PDE1C: variants seen among roughly 807,000 people sequenced by gnomAD.
PDE1C encodes the protein dual specificity calcium/calmodulin-dependent 3',5'-cyclic nucleotide phosphodiesterase 1C.
A neutral mutation model predicts 93.1 loss-of-function variants in PDE1C; 62 were observed. The observed-to-expected ratio is 0.67, with a 90% CI of 0.54 to 0.82. The LOEUF (loss-of-function observed/expected upper bound fraction) is 0.82. Ranked by LOEUF, PDE1C falls within the 40% of genes least tolerant of loss-of-function variation. The pLI is 0.00. For synonymous variants in PDE1C, 325 were observed against 310.1 expected, an observed-to-expected ratio of 1.05 and a Z score of -0.50; for missense variants, 742 against 884.6, an observed-to-expected ratio of 0.84 and a Z score of 2.04.
chr7:31,786,894 T>C (rs1480324490), intron 16 of PDE1C: 2 of 4,456 alleles, frequency 4.5e-4, no homozygotes, highest in African/African-American at 5.5e-4. Flanking sequence ...TATATTATAT[T>C]ATCTATCTAT....
intron 2 of PDE1C, among the ~76,000 whole-genome samples, chr7:31,914,821 G>C (rs866106946): frequency 1.6e-4 from 25 of 152,160 alleles, no homozygotes; most frequent in African/African-American, 5.8e-4. Flanking sequence ...GTTTGGAAGA[G>C]AAGACTCCAG....
Position 32,005,555 on chromosome 7 carries a change from C to CAAA in PDE1C, c.128+45996_128+45998dup, listed in dbSNP as rs59246166. ...TGGGCGACAGAGCGAGACTCCATTT[C>CAAA]AAAAAAAAAAAAAAAAAAAAAAAAA... is the stretch of plus-strand genomic sequence containing the variant. On this transcript the variant is annotated intron_variant, in intron 2 of 17. Transcript: ENST00000396191. Among the ~76,000 whole-genome samples the CAAA allele has an allele frequency of 7.6e-3, 384 of 50,712 alleles. 36 individuals are homozygous for CAAA. The highest frequency in any genetic ancestry group is 0.018 in the Middle Eastern group (2 of 114). The allele number at this position is 50,712 out of a possible 152,430, so 33.3% of individuals were successfully genotyped here. A position where few individuals can be genotyped will look rare whatever the true frequency, so the allele number is the denominator to read the frequency against.
At chr7:32,112,421 C>T (rs1188365781) in intron 3 of PDE1C, among the ~76,000 whole-genome samples, 1 of 151,950 alleles carries the variant, frequency 6.6e-6, no homozygotes, top group Non-Finnish European at 1.5e-5. Flanking sequence ...GATAACTATC[C>T]CTTCCTGACC....
chr7:32,401,924 T>C (rs1255675077), intron 1 of PDE1C, among the ~76,000 whole-genome samples: 1 of 152,198 alleles, frequency 6.6e-6, no homozygotes, highest in Admixed American at 6.5e-5. Flanking sequence ...GCATGTGACT[T>C]TGAGCATACA....
At chr7:31,865,623 C>A (rs577104464) in intron 6 of PDE1C, among the ~76,000 whole-genome samples, 1 of 152,270 alleles carries the variant, frequency 6.6e-6, no homozygotes, top group African/African-American at 2.4e-5. Context: ...ATGAAATCTT[C>A]CAAATTCCAA....
chr7:32,259,509 C>T (rs1413565009), intron 1 of PDE1C, among the ~76,000 whole-genome samples: 1 of 152,118 alleles, frequency 6.6e-6, no homozygotes, highest in Non-Finnish European at 1.5e-5. Flanking sequence ...GGGCAAGTTC[C>T]CAAACCCTTT....
chr7:32,348,633 G>A (rs1051956940), intron 1 of PDE1C, among the ~76,000 whole-genome samples: 19 of 152,010 alleles, frequency 1.2e-4, no homozygotes, highest in African/African-American at 4.6e-4. Flanking sequence ...AAAGTGCTGG[G>A]ATTACAGGCA....
chr7:32,400,665 G>C (rs1451908978), intron 1 of PDE1C, among the ~76,000 whole-genome samples: 2 of 152,182 alleles, frequency 1.3e-5, no homozygotes, highest in Non-Finnish European at 2.9e-5. Context: ...GGTGTTTAAG[G>C]CTCTTCCCTG....
chr7:31,647,473 C>G, the PDE1C span, among the ~76,000 whole-genome samples: 1 of 149,232 alleles, frequency 6.7e-6, no homozygotes, highest in African/African-American at 2.5e-5. Context: ...AACAGCCTGG[C>G]CAACATGGCA....
intron 2 of PDE1C, among the ~76,000 whole-genome samples, chr7:31,960,964 T>C (rs1394306828): frequency 2.6e-5 from 4 of 152,134 alleles, no homozygotes; most frequent in Non-Finnish European, 5.9e-5. Flanking sequence ...GATCTGTGTG[T>C]TCAATTTCAT....
intron 2 of PDE1C, among the ~76,000 whole-genome samples, chr7:31,894,746 A>AATGCACTG (rs1799062859): frequency 6.6e-6 from 1 of 152,182 alleles, no homozygotes; most frequent in Non-Finnish European, 1.5e-5. Flanking sequence ...TTACCACTTG[A>AATGCACTG]ATGCACTGAT....
intron 1 of PDE1C, among the ~76,000 whole-genome samples, chr7:32,318,622 G>A (rs1783221470): frequency 6.6e-6 from 1 of 152,240 alleles, no homozygotes; most frequent in Admixed American, 6.5e-5. Flanking sequence ...TTCTTGGGCA[G>A]CGTGGTGTCT....
At chr7:32,019,097 T>C (rs1788298529) in intron 2 of PDE1C, among the ~76,000 whole-genome samples, 1 of 146,648 alleles carries the variant, frequency 6.8e-6, no homozygotes, top group Non-Finnish European at 1.5e-5. Context: ...AATCAAACCC[T>C]AGTCAAGTTT....
At chr7:32,111,521 G>T (rs1171667742) in intron 3 of PDE1C, among the ~76,000 whole-genome samples, 5 of 152,294 alleles carry the variant, frequency 3.3e-5, no homozygotes, top group Non-Finnish European at 7.4e-5. Flanking sequence ...CAATTAGCCT[G>T]GGATTGTGGA....
the PDE1C span, among the ~76,000 whole-genome samples, chr7:31,694,820 C>A: frequency 1.3e-5 from 2 of 152,038 alleles, no homozygotes; most frequent in African/African-American, 4.8e-5. Context: ...GATGTAAAAG[C>A]CAGGCTTCAA....
intron 16 of PDE1C, among the ~76,000 whole-genome samples, chr7:31,791,786 T>A (rs2128662850): frequency 1.3e-5 from 2 of 152,190 alleles, no homozygotes; most frequent in South Asian, 4.1e-4. Context: ...ATGCACCTCC[T>A]GCAGACTGGG....
At chr7:32,392,847 G>A (rs1784774889) in intron 1 of PDE1C, among the ~76,000 whole-genome samples, 2 of 151,794 alleles carry the variant, frequency 1.3e-5, no homozygotes, top group South Asian at 2.1e-4. Context: ...TCAGGAGTTC[G>A]AGACCAGGCT....
intron 2 of PDE1C, among the ~76,000 whole-genome samples, chr7:31,898,740 T>C (rs1334697334): frequency 2.0e-5 from 3 of 152,212 alleles, no homozygotes; most frequent in Non-Finnish European, 4.4e-5. Context: ...CTCCTCTTTT[T>C]CTCCAGCAGA....
At chr7:31,674,542 A>C in the PDE1C span, among the ~76,000 whole-genome samples, 1 of 152,188 alleles carries the variant, frequency 6.6e-6, no homozygotes, top group Admixed American at 6.5e-5. Flanking sequence ...AAGATATATA[A>C]ATCCATGCAA....
Sources: gnomAD v4.1 joint callset for allele counts (sites outside exome capture counted in the v4.1 genomes callset) on GRCh38, gnomAD v4.1.1 for gene constraint, MANE v1.5 for transcripts, NCBI Gene and HGNC (gene_info 2026-07-23, HGNC 2026-07-21) for gene names.